The following DLC1 variants were observed in gnomAD, a reference collection of about 807,000 sequenced individuals.
The protein encoded by DLC1 is DLC1 Rho GTPase activating protein, also known as rho GTPase-activating protein 7.
A neutral mutation model predicts 140.3 loss-of-function variants in DLC1; 54 were observed. The observed-to-expected ratio is 0.38, with a 90% CI of 0.31 to 0.48. The LOEUF is 0.48. DLC1 is among the 20% of genes least tolerant of loss of function. The probability of loss-of-function intolerance (pLI) is 0.96; values close to 1 mark genes in which losing one functional copy is unlikely to be tolerated. For synonymous variants in DLC1, 986 were observed against 728.1 expected, an observed-to-expected ratio of 1.35 and a Z score of -5.70; for missense variants, 2,536 against 1,907.0, an observed-to-expected ratio of 1.33 and a Z score of -6.14.
intron 2 of DLC1, among the ~76,000 whole-genome samples, chr8:13,470,306 C>T (rs1800147984): frequency 6.6e-6 from 1 of 152,096 alleles, no homozygotes; most frequent in Admixed American, 6.6e-5. Flanking sequence ...AAAATACTTG[C>T]AAACCATATA....
intron 5 of DLC1, among the ~76,000 whole-genome samples, chr8:13,303,706 G>GT (rs1203827564): frequency 5.3e-5 from 8 of 152,274 alleles, no homozygotes; most frequent in African/African-American, 1.9e-4. Context: ...GGAGGCTGAG[G>GT]CAGGAGAATG....
At chr8:13,165,434 T>A (rs78344822) in intron 5 of DLC1, among the ~76,000 whole-genome samples, 4,215 of 152,280 alleles carry the variant, frequency 0.028, 97 homozygotes, top group African/African-American at 0.06. Context: ...AGCAATATTG[T>A]TGCATTGCTG....
At chr8:13,456,853 A>T (rs1471677254) in intron 2 of DLC1, among the ~76,000 whole-genome samples, 1 of 152,078 alleles carries the variant, frequency 6.6e-6, no homozygotes, top group Admixed American at 6.5e-5. Flanking sequence ...TGATTATAGT[A>T]CTCTTTCCAG....
At chr8:13,400,284 G>A (rs940236670) in intron 3 of DLC1, among the ~76,000 whole-genome samples, 11 of 152,080 alleles carry the variant, frequency 7.2e-5, no homozygotes, top group Non-Finnish European at 1.0e-4. Flanking sequence ...TGCTTGATCC[G>A]TGCGGTACTT....
At chr8:13,092,333 T>C (rs1001558939) in intron 13 of DLC1, among the ~76,000 whole-genome samples, 2 of 152,236 alleles carry the variant, frequency 1.3e-5, no homozygotes, top group Admixed American at 6.5e-5. Context: ...CCCAGGCCTC[T>C]AGCTAAGAAA....
At position 13,579,205 on chromosome 8, in the gene DLC1, G is replaced by A. The variant is rs372332005; in HGVS notation, c.-126+25332C>T. Among the ~76,000 whole-genome samples the A allele has an allele frequency of 3.4e-4, 41 of 121,886 alleles. 1 individual carries two copies. The South Asian group carries it at 9.8e-3, about 29-fold the overall frequency. 80.0% of individuals were successfully genotyped at this position (121,886 alleles called of 152,430 possible). A position where few individuals can be genotyped will look rare whatever the true frequency, so the allele number is the denominator to read the frequency against. On this transcript the variant is annotated intron_variant, in intron 1 of 1. Coordinates refer to the DLC1 transcript ENST00000631382. The stretch of plus-strand genomic sequence containing the variant: ...AACAAAAGAGTCTCCTAGCACCGCC[G>A]CATAAAAGGTGTAAGGAGCTCTAAT...
intron 16 of DLC1, 103 bp downstream of exon 16, chr8:13,088,382 CCT>C: frequency 7.6e-7 from 1 of 1,319,670 alleles, no homozygotes; most frequent in Non-Finnish European, 1.0e-6. Flanking sequence ...ATATGCCCGG[CCT>C]CTACTTTAAA....
rs1832374343 is a variant in DLC1 at position 13,305,273 on chromosome 8, C to T, written c.1344G>A (p.Lys448=). ...AGAACCAAAATGTCAACTTACCAGC[C>T]TTTTCCTTCTCTGAAATACCTTGAA... The part of the protein sequence containing the change: ...TAIQGISEKE[K]AEIEAKEACD... Residue 448 remains lysine, a synonymous_variant, in exon 5 of 18, where the codon AAG becomes AAA. Transcript: ENST00000276297. 6.2e-7 allele frequency: 1 copy of T among 1,607,552 alleles called. No homozygotes were observed. Among genetic ancestry groups the T allele is most frequent in the Non-Finnish European group, 8.5e-7 (1 of 1,177,060 alleles).
In DLC1 at chr8:13,263,991, A is replaced by G. The variant is rs12545264; in HGVS notation, c.1348+41278T>C. Among the ~76,000 whole-genome samples, 1,243 of 152,116 alleles carry G rather than the reference A, an allele frequency of 8.2e-3. 48 individuals carry two copies. Among genetic ancestry groups the G allele is most frequent in the Admixed American group, 0.065 (996 of 15,276 alleles). Reference sequence around the variant, plus strand: ...TTGGAAACAACATAGATGCCTTTCAACAGGATAATGAATAAGTAAATTAGG... The same window carrying G: ...TTGGAAACAACATAGATGCCTTTCAGCAGGATAATGAATAAGTAAATTAGG... On this transcript the variant is annotated intron_variant, in intron 5 of 17. Coordinates refer to ENST00000276297, the MANE Select transcript of DLC1 (RefSeq NM_182643.3).
chr8:13,247,654 A>G (rs564416034), intron 5 of DLC1, among the ~76,000 whole-genome samples: 1 of 152,332 alleles, frequency 6.6e-6, no homozygotes, highest in East Asian at 1.9e-4. Flanking sequence ...GTCGCATGAT[A>G]CCGTTTCCCA....
At chr8:13,501,357 AT>A (rs1181512178) in intron 1 of DLC1, among the ~76,000 whole-genome samples, 1 of 152,210 alleles carries the variant, frequency 6.6e-6, no homozygotes, top group Non-Finnish European at 1.5e-5. Flanking sequence ...ACTCAACGTT[AT>A]AAAAATGACT....
chr8:13,448,372 T>TTCTTC (rs1563355403), intron 2 of DLC1, among the ~76,000 whole-genome samples: 2 of 98,236 alleles, frequency 2.0e-5, no homozygotes, highest in African/African-American at 6.4e-5. Flanking sequence ...TCTTCTTCTT[T>TTCTTC]TTTTTTTTTG....
At chr8:13,471,322 G>A (rs1265876588) in intron 2 of DLC1, among the ~76,000 whole-genome samples, 1 of 151,226 alleles carries the variant, frequency 6.6e-6, no homozygotes, top group East Asian at 1.9e-4. Flanking sequence ...AAAAAAAAAA[G>A]AGAAAATGGT....
intron 5 of DLC1, among the ~76,000 whole-genome samples, chr8:13,162,056 G>C (rs1359772031): frequency 6.6e-6 from 1 of 152,142 alleles, no homozygotes; most frequent in African/African-American, 2.4e-5. Context: ...TTCTGTAGGG[G>C]TTTATGAAAG....
chr8:13,351,578 C>T (rs1205859003), intron 4 of DLC1, among the ~76,000 whole-genome samples: 7 of 152,164 alleles, frequency 4.6e-5, no homozygotes, highest in Admixed American at 1.3e-4. Context: ...ATAGTGTCCA[C>T]AAGAACACAT....
chr8:13,203,266 A>T lies in DLC1; in HGVS notation c.1349-87609T>A, dbSNP rs369334408. Among the ~76,000 whole-genome samples the T allele has an allele frequency of 3.3e-5, 5 of 152,204 alleles. No individual in the cohort carries two copies. In the East Asian group the frequency reaches 9.6e-4, roughly 29 times the overall value. On this transcript the variant is annotated intron_variant, in intron 5 of 17. Transcript: ENST00000276297. ...AGAAAACTCAGCATTAAGTGTCGAT[A>T]ATTACCATGATTTTTTAACAAACGT...
rs1470084768 is a variant in DLC1, at chr8:13,308,094, T to C, written c.1315-2792A>G. Among the ~76,000 whole-genome samples the C allele has an allele frequency of 3.3e-5, 5 of 152,350 alleles. No homozygotes were observed. The East Asian group carries it at 5.8e-4, about 18-fold the overall frequency. On this transcript the variant is annotated intron_variant, in intron 4 of 17. Transcript: ENST00000276297. ...GTTGACCAGTGACAAAAACAAGCCT[T>C]TTCTATATTTTATTTGATTTCAAAA... is the stretch of plus-strand genomic sequence containing the variant.
At chr8:13,480,405 A>T (rs182613666) in intron 2 of DLC1, among the ~76,000 whole-genome samples, 1 of 152,324 alleles carries the variant, frequency 6.6e-6, no homozygotes, top group African/African-American at 2.4e-5. Context: ...AACGTAAAAG[A>T]AAATCTTTTA....
chr8:13,267,408 A>G (rs1830730495), intron 5 of DLC1, among the ~76,000 whole-genome samples: 1 of 152,172 alleles, frequency 6.6e-6, no homozygotes, highest in African/African-American at 2.4e-5. Context: ...CCATGAATGA[A>G]AAACATTCAG....
Sources: allele counts gnomAD v4.1 joint callset (sites outside exome capture counted in the v4.1 genomes callset), GRCh38; gene constraint gnomAD v4.1.1; transcripts MANE v1.5; gene names NCBI Gene and HGNC (gene_info 2026-07-23, HGNC 2026-07-21).